Variants in FBXL7 observed in about 807,000 individuals in gnomAD.
FBXL7 encodes the protein F-box/LRR-repeat protein 7.
In FBXL7, 12 loss-of-function variants were observed where a neutral mutation model predicts 38.3. The ratio of observed to expected loss-of-function variants is 0.31; its 90% CI spans 0.20 to 0.51. The LOEUF (loss-of-function observed/expected upper bound fraction) is 0.51. Among genes scored for constraint, FBXL7 ranks in the 20% least tolerant of loss-of-function variants. The probability of loss-of-function intolerance (pLI) is 0.98; values close to 1 mark genes in which losing one functional copy is unlikely to be tolerated. For synonymous variants in FBXL7, 297 were observed against 300.9 expected (o/e 0.99, Z 0.13); for missense variants, 567 against 676.4 (o/e 0.84, Z 1.79).
intron 2 of FBXL7, among the ~76,000 whole-genome samples, chr5:15,660,744 T>C (rs1050640257): frequency 6.6e-6 from 1 of 152,318 alleles, no homozygotes; most frequent in African/African-American, 2.4e-5. Context: ...AAGTTCATTG[T>C]TAATTTAATG....
chr5:15,815,009 A>C (rs1021100557), intron 2 of FBXL7, among the ~76,000 whole-genome samples: 12 of 151,870 alleles, frequency 7.9e-5, no homozygotes, highest in Non-Finnish European at 1.6e-4. Flanking sequence ...ATTATTTCCA[A>C]CTCCATACCA....
At chr5:15,722,930 C>CAAAAAAAAA (rs1554017097) in intron 2 of FBXL7, among the ~76,000 whole-genome samples, 8 of 142,078 alleles carry the variant, frequency 5.6e-5, no homozygotes, top group East Asian at 2.0e-4. Context: ...TCAAAAAAAA[C>CAAAAAAAAA]AAAAAAAAAA....
intron 1 of FBXL7, among the ~76,000 whole-genome samples, chr5:15,568,940 T>C (rs182814668): frequency 3.1e-4 from 47 of 152,316 alleles, no homozygotes; most frequent in African/African-American, 1.1e-3. Context: ...TTCTGTTCCA[T>C]TGGTCTATAT....
intron 2 of FBXL7, among the ~76,000 whole-genome samples, chr5:15,899,123 A>G (rs993153101): frequency 6.6e-6 from 1 of 152,006 alleles, no homozygotes; most frequent in African/African-American, 2.4e-5. Context: ...CTGGAGTGCA[A>G]TGGTGCAATC....
intron 3 of FBXL7, among the ~76,000 whole-genome samples, chr5:15,931,089 C>G (rs990867355): frequency 1.3e-5 from 2 of 152,202 alleles, no homozygotes; most frequent in Admixed American, 6.5e-5. Context: ...AAATGCTCAT[C>G]TGGGAAGCTA....
chr5:15,541,744 C>G (rs1389628240), intron 1 of FBXL7, among the ~76,000 whole-genome samples: 4 of 151,338 alleles, frequency 2.6e-5, no homozygotes, highest in Admixed American at 1.3e-4. Flanking sequence ...GGGGTTTCAC[C>G]ATGTTGGCCA....
chr5:15,865,057 C>T (rs1739646049), intron 2 of FBXL7, among the ~76,000 whole-genome samples: 1 of 152,146 alleles, frequency 6.6e-6, no homozygotes, highest in Non-Finnish European at 1.5e-5. Flanking sequence ...GAAGGATTCT[C>T]TTTACATGAT....
intron 2 of FBXL7, among the ~76,000 whole-genome samples, chr5:15,665,040 A>G (rs1298845938): frequency 1.3e-5 from 2 of 152,120 alleles, no homozygotes; most frequent in African/African-American, 4.8e-5. Context: ...GTTTGCTGTC[A>G]TTCCTCTCTT....
intron 2 of FBXL7, among the ~76,000 whole-genome samples, chr5:15,690,027 A>G (rs925275283): frequency 2.6e-5 from 4 of 152,192 alleles, no homozygotes; most frequent in Admixed American, 2.0e-4. Context: ...ATCCCCAGGG[A>G]TGAGAGTTAT....
At chr5:15,700,769 G>C (rs547014003) in intron 2 of FBXL7, among the ~76,000 whole-genome samples, 8 of 152,196 alleles carry the variant, frequency 5.3e-5, no homozygotes, top group African/African-American at 1.7e-4. Context: ...AGTTTTCTTT[G>C]AGTATTTTTA....
intron 2 of FBXL7, among the ~76,000 whole-genome samples, chr5:15,663,143 T>A (rs748708514): frequency 6.6e-6 from 1 of 152,198 alleles, no homozygotes; most frequent in Non-Finnish European, 1.5e-5. Flanking sequence ...CATGGGATGT[T>A]TTTCCATTTG....
At chr5:15,804,212 A>G (rs1376886424) in intron 2 of FBXL7, among the ~76,000 whole-genome samples, 2 of 152,170 alleles carry the variant, frequency 1.3e-5, no homozygotes, top group East Asian at 3.9e-4. Flanking sequence ...TAACACATAT[A>G]ATCCCAACAC....
At chr5:15,924,430 G>C (rs989524715) in intron 2 of FBXL7, among the ~76,000 whole-genome samples, 7 of 152,084 alleles carry the variant, frequency 4.6e-5, no homozygotes, top group African/African-American at 1.4e-4. Context: ...TAGTGTAATA[G>C]AAGGTATGTC....
At chr5:15,595,855 A>T (rs938421029) in intron 1 of FBXL7, among the ~76,000 whole-genome samples, 1 of 152,194 alleles carries the variant, frequency 6.6e-6, no homozygotes, top group African/African-American at 2.4e-5. Flanking sequence ...GCTTTTTCTT[A>T]CAAGCTCTGG....
intron 2 of FBXL7, among the ~76,000 whole-genome samples, chr5:15,712,501 A>C (rs1233582397): frequency 6.6e-6 from 1 of 152,120 alleles, no homozygotes; most frequent in Non-Finnish European, 1.5e-5. Flanking sequence ...GTCATTAACT[A>C]TATTTTGAAG....
At chr5:15,799,273 A>G (rs979859224) in intron 2 of FBXL7, among the ~76,000 whole-genome samples, 22 of 151,726 alleles carry the variant, frequency 1.4e-4, no homozygotes, top group African/African-American at 5.3e-4. Flanking sequence ...TTTGAGACAG[A>G]TAGAGGAAGA....
chr5:15,643,945 A>T (rs1000205934), intron 2 of FBXL7, among the ~76,000 whole-genome samples: 2 of 152,170 alleles, frequency 1.3e-5, no homozygotes, highest in African/African-American at 4.8e-5. Flanking sequence ...TATAAAGCCA[A>T]GATAAATGAT....
At chr5:15,669,782 A>G (rs1363893717) in intron 2 of FBXL7, among the ~76,000 whole-genome samples, 1 of 152,234 alleles carries the variant, frequency 6.6e-6, no homozygotes, top group African/African-American at 2.4e-5. Flanking sequence ...GTGGATTAAT[A>G]CAGGAACCCT....
At chr5:15,565,626 T>C (rs551766103) in intron 1 of FBXL7, among the ~76,000 whole-genome samples, 1 of 151,980 alleles carries the variant, frequency 6.6e-6, no homozygotes, top group Non-Finnish European at 1.5e-5. Context: ...TGCACAATTA[T>C]GGAGGCTAAG....
Sources: gnomAD v4.1 joint callset for allele counts (sites outside exome capture counted in the v4.1 genomes callset) on GRCh38, gnomAD v4.1.1 for gene constraint, MANE v1.5 for transcripts, NCBI Gene and HGNC (gene_info 2026-07-23, HGNC 2026-07-21) for gene names.